Variants in MAP3K13 observed in about 807,000 individuals in gnomAD.
MAP3K13 encodes mitogen-activated protein kinase kinase kinase 13, also known as leucine zipper-bearing kinase.
A neutral mutation model predicts 104.0 loss-of-function variants in MAP3K13; 52 were observed. The observed-to-expected ratio is 0.50, with a 90% confidence interval of 0.40 to 0.63. The LOEUF is 0.63. MAP3K13 is among the 20% of genes least tolerant of loss of function. The pLI is 0.00. For missense variants in MAP3K13, 914 were observed against 1,218.5 expected (o/e 0.75, Z 3.72); for synonymous variants, 394 against 442.2 (o/e 0.89, Z 1.37).
At chr3:185,311,092 A>T (rs1721480089) in intron 2 of MAP3K13, among the ~76,000 whole-genome samples, 1 of 152,208 alleles carries the variant, frequency 6.6e-6, no homozygotes, top group African/African-American at 2.4e-5. Context: ...TTCTTTTATT[A>T]TAGAATGAGT....
At chr3:185,399,899 T>A (rs35529448) in intron 1 of MAP3K13, among the ~76,000 whole-genome samples, 1 of 151,512 alleles carries the variant, frequency 6.6e-6, no homozygotes, top group Non-Finnish European at 1.5e-5. Context: ...GTGGTAGCAT[T>A]GAATCCTCCA....
At chr3:185,388,843 A>G (rs1239851821) in intron 1 of MAP3K13, among the ~76,000 whole-genome samples, 1 of 152,172 alleles carries the variant, frequency 6.6e-6, no homozygotes, top group African/African-American at 2.4e-5. Flanking sequence ...AGACACACAG[A>G]CCAATGGATA....
At chr3:185,401,956 C>A (rs1015249496) in intron 1 of MAP3K13, among the ~76,000 whole-genome samples, 3 of 152,106 alleles carry the variant, frequency 2.0e-5, no homozygotes, top group Non-Finnish European at 4.4e-5. Context: ...GAAAATATAA[C>A]CTATAATTTT....
chr3:185,284,523 C>T (rs1056446707), intron 1 of MAP3K13, among the ~76,000 whole-genome samples: 11 of 152,040 alleles, frequency 7.2e-5, no homozygotes, highest in Non-Finnish European at 1.6e-4. Context: ...CGAGACCAGC[C>T]TGGCCAACAT....
chr3:185,369,137 A>G (rs1218481042), intron 1 of MAP3K13, among the ~76,000 whole-genome samples: 1 of 152,236 alleles, frequency 6.6e-6, no homozygotes, highest in Non-Finnish European at 1.5e-5. Context: ...AATCTAATGA[A>G]AGGAGATGAA....
chr3:185,457,631 C>T (rs1275974010), intron 7 of MAP3K13, among the ~76,000 whole-genome samples: 1 of 152,222 alleles, frequency 6.6e-6, no homozygotes. Flanking sequence ...AAGATTTCAG[C>T]ATATGAATTT....
intron 1 of MAP3K13, among the ~76,000 whole-genome samples, chr3:185,398,448 T>C (rs555792725): frequency 6.6e-6 from 1 of 152,352 alleles, no homozygotes; most frequent in African/African-American, 2.4e-5. Context: ...AATCTCACTA[T>C]ACTTAGTGCC....
intron 1 of MAP3K13, among the ~76,000 whole-genome samples, chr3:185,403,629 C>T (rs149775693): frequency 4.1e-4 from 62 of 152,200 alleles, no homozygotes; most frequent in African/African-American, 1.5e-3. Context: ...TTATTTTTTA[C>T]TGTAAATATA....
chr3:185,422,824 A>G (rs1242585175), intron 1 of MAP3K13, among the ~76,000 whole-genome samples: 1 of 152,112 alleles, frequency 6.6e-6, no homozygotes, highest in Non-Finnish European at 1.5e-5. Flanking sequence ...CCTGTTAGGA[A>G]CTGGGCGGAA....
rs1220579691 is a variant in MAP3K13 at position 185,483,627 on chromosome 3, C to A, written c.*1171C>A. 1.5e-5 allele frequency: 3 copies of A among 206,446 alleles called. No homozygotes were observed. Among genetic ancestry groups the A allele is most frequent in the Non-Finnish European group, 2.9e-5 (3 of 102,368 alleles). The allele number at this position is 206,446 out of a possible 1,614,324, so 12.8% of individuals were successfully genotyped here. A position where few individuals can be genotyped will look rare whatever the true frequency, so the allele number is the denominator to read the frequency against. On this transcript the variant is annotated 3_prime_UTR_variant, in exon 14 of 14. Coordinates refer to ENST00000265026, the MANE Select transcript of MAP3K13 (RefSeq NM_004721.5). ...GCAGGAGAACAGACTTTGAAGGCAG[C>A]TAGGATGTATGTGTGTCTATACAAT...
At chr3:185,372,466 A>C (rs768293641) in intron 1 of MAP3K13, among the ~76,000 whole-genome samples, 1 of 152,204 alleles carries the variant, frequency 6.6e-6, no homozygotes, top group Non-Finnish European at 1.5e-5. Flanking sequence ...AGACTAGACC[A>C]GGTTTCTTGG....
upstream of MAP3K13, among the ~76,000 whole-genome samples, chr3:185,361,526 G>T (rs924172483): frequency 6.6e-6 from 1 of 151,394 alleles, no homozygotes; most frequent in African/African-American, 2.4e-5. Flanking sequence ...TCAGCCTCCC[G>T]AGTAGCTGGG....
At chr3:185,442,657 C>T (rs1715389385) in intron 3 of MAP3K13, among the ~76,000 whole-genome samples, 1 of 151,334 alleles carries the variant, frequency 6.6e-6, no homozygotes, top group Admixed American at 6.6e-5. Context: ...CCTCAGCCTC[C>T]CGAGTAGCTG....
chr3:185,302,734 G>T (rs1226906311), intron 2 of MAP3K13, among the ~76,000 whole-genome samples: 1 of 151,994 alleles, frequency 6.6e-6, no homozygotes, highest in African/African-American at 2.4e-5. Flanking sequence ...TTAATTTTTT[G>T]TGGAATCTTT....
At chr3:185,459,297 T>G (rs1716954714) in intron 7 of MAP3K13, among the ~76,000 whole-genome samples, 1 of 152,126 alleles carries the variant, frequency 6.6e-6, no homozygotes, top group African/African-American at 2.4e-5. Context: ...TCTGATCCCA[T>G]CTGATTTCCC....
rs564399247 is a variant in MAP3K13 at position 185,331,011 on chromosome 3, G to C, written c.-86+45368G>C. Among the ~76,000 whole-genome samples the C allele has an allele frequency of 2.6e-5, 4 of 151,740 alleles. No homozygotes were observed. In the South Asian group the frequency reaches 8.3e-4, roughly 32 times the overall value. On this transcript the variant is annotated intron_variant, in intron 2 of 14. Transcript: ENST00000424227. ...TATTCAAATAGCTCCTCCTCAGAGAGGCCTTCCCAGACTACCCTAACTAAA... is the reference window on the plus strand; with the variant it reads ...TATTCAAATAGCTCCTCCTCAGAGACGCCTTCCCAGACTACCCTAACTAAA...
intron 1 of MAP3K13, among the ~76,000 whole-genome samples, chr3:185,365,552 G>A (rs1287847761): frequency 6.6e-6 from 1 of 152,144 alleles, no homozygotes; most frequent in Non-Finnish European, 1.5e-5. Flanking sequence ...TAAGTGCTTG[G>A]AGAGCTCAAA....
chr3:185,363,943 A>G (rs1170825669), intron 1 of MAP3K13, among the ~76,000 whole-genome samples: 2 of 152,248 alleles, frequency 1.3e-5, no homozygotes, highest in Admixed American at 6.5e-5. Flanking sequence ...ATATATATTC[A>G]TAGCTCTTCT....
At chr3:185,362,945 A>ACACACACACACACC (rs1723695530), upstream of MAP3K13, 1 of 129,282 alleles carries the variant, frequency 7.7e-6, no homozygotes, top group Non-Finnish European at 1.6e-5. Flanking sequence ...ACACACACAC[A>ACACACACACACACC]CACACACACA....
Sources: allele counts gnomAD v4.1 joint callset (sites outside exome capture counted in the v4.1 genomes callset), GRCh38; gene constraint gnomAD v4.1.1; transcripts MANE v1.5; gene names NCBI Gene and HGNC (gene_info 2026-07-23, HGNC 2026-07-21).